REXO1: variants seen among roughly 807,000 people sequenced by gnomAD.
REXO1 encodes REX1, RNA exonuclease 1 homolog.
Under a neutral mutation model 102.6 loss-of-function variants are expected in REXO1, and 42 were observed. The ratio of observed to expected loss-of-function variants is 0.41; its 90% CI spans 0.32 to 0.53. The LOEUF (loss-of-function observed/expected upper bound fraction) is 0.53, where lower values mean the gene tolerates loss of function less well. Ranked by LOEUF, REXO1 falls within the 20% of genes least tolerant of loss-of-function variation. REXO1 has a pLI of 0.27. For synonymous variants in REXO1, 908 were observed against 779.1 expected (o/e 1.17, Z -2.76); for missense variants, 1,819 against 1,732.5 (o/e 1.05, Z -0.89).
At chr19:1,837,926 G>T (rs916840820) in intron 1 of REXO1, among the ~76,000 whole-genome samples, 1 of 152,252 alleles carries the variant, frequency 6.6e-6, no homozygotes, top group Non-Finnish European at 1.5e-5. Context: ...CACATGCCAT[G>T]ACTGGACGCG....
Position 1,815,950 on chromosome 19 carries a change from T to C in REXO1, c.*116A>G, listed in dbSNP as rs966349698. The C allele has an allele frequency of 3.3e-6, 5 of 1,535,150 alleles. No homozygotes were observed. Among genetic ancestry groups the C allele is most frequent in the East Asian group, 2.4e-5 (1 of 40,894 alleles). On this transcript the variant is annotated 3_prime_UTR_variant, in exon 16 of 16. Coordinates refer to ENST00000170168, the MANE Select transcript of REXO1 (RefSeq NM_020695.4). The surrounding 1 kb of genome is among the most constrained non-coding windows in gnomAD (Gnocchi z 4.0). The stretch of plus-strand genomic sequence containing the variant: ...TGGCCGCCAGCTCATCCCGCTGCTC[T>C]GGGCTGCCTCGGCCAGGTGGACGGG...
In REXO1 at chr19:1,825,883, C is replaced by G. The variant is rs201498568; in HGVS notation, c.1972G>C (p.Gly658Arg). The part of the protein sequence containing the change: ...GLSGLTTLFP[G>R]QKRRISHLSK... ...AGGTGGGAGATCCTCCTCTTCTGCC[C>G]GGGGAACAGAGTGGTCAGACCCGAA... is the stretch of plus-strand genomic sequence containing the variant. Residue 658 changes from glycine to arginine, a missense_variant, in exon 3 of 16, where the codon GGG becomes CGG. By Grantham distance (125) the Gly-to-Arg change is moderately radical. Transcript: ENST00000170168. The G allele has an allele frequency of 3.4e-5, 55 of 1,613,712 alleles. No individual in the cohort carries two copies. The East Asian group carries it at 8.0e-4, about 24-fold the overall frequency.
intron 1 of REXO1, among the ~76,000 whole-genome samples, chr19:1,834,456 C>A (rs1220259497): frequency 6.6e-6 from 1 of 152,152 alleles, no homozygotes; most frequent in Admixed American, 6.5e-5. Context: ...CAGGCATTGC[C>A]CAGGCTGGAG....
At chr19:1,818,634 T>G (rs201133572) in intron 9 of REXO1, 39 bp from the exon 10 acceptor site, 31 of 1,607,832 alleles carry the variant, frequency 1.9e-5, no homozygotes, top group Admixed American at 3.4e-5. Flanking sequence ...AGGCTCACGC[T>G]GGGGCCCGCA....
chr19:1,846,500 C>G (rs776522977), intron 1 of REXO1, among the ~76,000 whole-genome samples: 1 of 152,140 alleles, frequency 6.6e-6, no homozygotes, highest in African/African-American at 2.4e-5. Context: ...CCCATAGGAA[C>G]GGGGGGCAGA....
intron 1 of REXO1, 120 bp downstream of exon 1, chr19:1,848,082 C>G (rs1375527310): frequency 2.2e-6 from 1 of 464,572 alleles, no homozygotes; most frequent in Non-Finnish European, 3.4e-6. Flanking sequence ...GGAAAACCGT[C>G]GCCCGCGAAC....
At chr19:1,834,606 G>A (rs529300666) in intron 1 of REXO1, among the ~76,000 whole-genome samples, 16 of 152,158 alleles carry the variant, frequency 1.1e-4, no homozygotes, top group African/African-American at 3.4e-4. Flanking sequence ...GGTAGAGACG[G>A]GGGTCTCGCT....
chr19:1,821,332 G>A (rs536277486), intron 5 of REXO1, among the ~76,000 whole-genome samples, 187 bp downstream of exon 5: 100 of 149,040 alleles, frequency 6.7e-4, no homozygotes, highest in Admixed American at 1.1e-3. Flanking sequence ...GCGACAGAGC[G>A]AGACTCCATC....
At chr19:1,843,659 A>G (rs1317856001) in intron 1 of REXO1, among the ~76,000 whole-genome samples, 1 of 152,166 alleles carries the variant, frequency 6.6e-6, no homozygotes, top group Non-Finnish European at 1.5e-5. Flanking sequence ...AGGCCTGGGG[A>G]ACCAAAAGAC....
chr19:1,818,627 C>T lies in REXO1; in HGVS notation c.2903-32G>A, dbSNP rs746275620. 5 of 1,607,706 alleles carry T rather than the reference C, an allele frequency of 3.1e-6. No homozygotes were observed. In the Admixed American group the frequency reaches 8.4e-5, roughly 27 times the overall value. On this transcript the variant is annotated intron_variant, in intron 9 of 15. Coordinates refer to ENST00000170168, the MANE Select transcript of REXO1 (RefSeq NM_020695.4). ...GTGGGGACCCAGGTGGAAGCTGAGG[C>T]TCACGCTGGGGCCCGCATGCCCGGC...
Position 1,820,345 on chromosome 19 carries a change from G to A in REXO1, c.2445C>T (p.Thr815=), listed in dbSNP as rs201773399. 6.9e-5 allele frequency: 111 copies of A among 1,613,862 alleles called. 1 individual carries two copies. The East Asian group carries it at 1.9e-3, about 28-fold the overall frequency. Residue 815 remains threonine, a synonymous_variant, in exon 6 of 16, where the codon ACC becomes ACT. Transcript: ENST00000170168. ...IPKEFGGKVP[T]VIRQRYLNLF... ...GGTTGAGATAGCGCTGGCGGATGAC[G>A]GTGGGGACTTTGCCCCCAAACTCTT...
chr19:1,832,355 C>T (rs899894446), intron 1 of REXO1, among the ~76,000 whole-genome samples: 18 of 152,306 alleles, frequency 1.2e-4, no homozygotes, highest in African/African-American at 4.1e-4. Flanking sequence ...CCCACGGGGA[C>T]GAATGCAGCC....
At chr19:1,840,405 G>C (rs1052404010) in intron 1 of REXO1, among the ~76,000 whole-genome samples, 4 of 152,122 alleles carry the variant, frequency 2.6e-5, no homozygotes, top group Non-Finnish European at 5.9e-5. Flanking sequence ...CTGCCCAACC[G>C]CAGGAGCGCT....
At position 1,828,634 on chromosome 19, in the gene REXO1, G is replaced by A; in HGVS notation, c.158-3C>T. On this transcript the variant is annotated splice_polypyrimidine_tract_variant and splice_region_variant and intron_variant, in intron 1 of 15. Transcript: ENST00000170168. Reference sequence around the variant, plus strand: ...GTTGTAGGGGTCGTAACCCAGCCCTGAAGGGAACAGAGAGCACAGCTGTGA... The same window carrying A: ...GTTGTAGGGGTCGTAACCCAGCCCTAAAGGGAACAGAGAGCACAGCTGTGA... 1.3e-6 allele frequency: 2 copies of A among 1,595,618 alleles called. No homozygotes were observed. Among genetic ancestry groups the A allele is most frequent in the Middle Eastern group, 1.7e-4 (1 of 6,038 alleles).
Position 1,821,569 on chromosome 19 carries a change from T to C in REXO1, c.2344A>G (p.Thr782Ala), listed in dbSNP as rs1231910611. 2 of 1,613,710 alleles carry C rather than the reference T, an allele frequency of 1.2e-6. No individual in the cohort carries two copies. The highest frequency in any genetic ancestry group is 1.7e-6 in the Non-Finnish European group (2 of 1,179,892). ...CGCTTAGGGATGATGGTGGTGGTAG[T>C]CTTGGACGCCATCCCCGACAATGTG... is the stretch of plus-strand genomic sequence containing the variant. ...TRTLSGMASKTTTTIIPKRIA... is the reference protein window; with the variant it reads ...TRTLSGMASKATTTIIPKRIA... The change falls in exon 5 of 16, where the codon ACT (threonine) becomes GCT (alanine). Residue 782 changes from threonine to alanine, a missense_variant. Physicochemically the swap from Thr to Ala is moderately conservative, Grantham distance 58. Transcript: ENST00000170168.
At chr19:1,839,178 C>T (rs902030803) in intron 1 of REXO1, among the ~76,000 whole-genome samples, 18 of 151,888 alleles carry the variant, frequency 1.2e-4, no homozygotes, top group Non-Finnish European at 1.5e-4. Context: ...ATCACTTGAA[C>T]CCAGCAGCGG....
chr19:1,820,530 T>C lies in REXO1; in HGVS notation c.2395-135A>G, dbSNP rs190909347. ...CTGGGACAGATCAGCCTGGCTGCAG[T>C]AGGGACAGACACGCCAAGGCAAGAC... On this transcript the variant is annotated intron_variant, in intron 5 of 15. Coordinates refer to ENST00000170168, the MANE Select transcript of REXO1 (RefSeq NM_020695.4). 3,776 of 1,014,672 alleles carry C rather than the reference T, an allele frequency of 3.7e-3. 13 individuals carry two copies. Among genetic ancestry groups the C allele is most frequent in the Non-Finnish European group, 4.5e-3 (3,117 of 695,032 alleles). The allele number at this position is 1,014,672 out of a possible 1,614,324, so 62.9% of individuals were successfully genotyped here. A position where few individuals can be genotyped will look rare whatever the true frequency, so the allele number is the denominator to read the frequency against.
chr19:1,825,961 C>A lies in REXO1; in HGVS notation c.1912-18G>T. On this transcript the variant is annotated intron_variant, in intron 2 of 15. Transcript: ENST00000170168. The stretch of plus-strand genomic sequence containing the variant: ...TTGGGGGGCTAAGACACATGTCCGT[C>A]CGTCAGCACAGGTCTGCCCTCGCTG... 2 of 1,579,532 alleles carry A rather than the reference C, an allele frequency of 1.3e-6. 1 individual carries two copies. Among genetic ancestry groups the A allele is most frequent in the Non-Finnish European group, 1.7e-6 (2 of 1,149,054 alleles).
intron 1 of REXO1, among the ~76,000 whole-genome samples, chr19:1,836,049 C>G (rs2070029575): frequency 6.6e-6 from 1 of 152,234 alleles, no homozygotes; most frequent in Admixed American, 6.5e-5. Flanking sequence ...GGGACCAGCA[C>G]TATCTGCCCA....
Sources: gnomAD v4.1 joint callset for allele counts (sites outside exome capture counted in the v4.1 genomes callset) on GRCh38, gnomAD v4.1.1 for gene constraint, Gnocchi (gnomAD v3.1) non-coding constraint, MANE v1.5 for transcripts, NCBI Gene and HGNC (gene_info 2026-07-23, HGNC 2026-07-21) for gene names.